The following FMN1 variants were observed in gnomAD, a reference collection of about 807,000 sequenced individuals.
FMN1 encodes the protein formin 1.
Under a neutral mutation model 132.4 loss-of-function variants are expected in FMN1, and 110 were observed. The observed-to-expected ratio is 0.83, with a 90% CI of 0.71 to 0.97. The LOEUF is 0.97. Ranked by LOEUF, FMN1 falls within the 50% of genes least tolerant of loss-of-function variation. The pLI, the probability that FMN1 is intolerant of heterozygous loss-of-function variation, is 0.00. For synonymous variants in FMN1, 722 were observed against 651.7 expected (o/e 1.11, Z -1.64); for missense variants, 1,792 against 1,705.3 (o/e 1.05, Z -0.90).
intron 9 of FMN1, among the ~76,000 whole-genome samples, chr15:32,930,462 A>T (rs1053080326): frequency 5.3e-5 from 8 of 150,154 alleles, no homozygotes; most frequent in African/African-American, 2.0e-4. Flanking sequence ...GGGTTATCTC[A>T]TTGTGATTTT....
At chr15:33,012,865 G>A in intron 6 of FMN1, 1 of 598,366 alleles carries the variant, frequency 1.7e-6, no homozygotes, top group Non-Finnish European at 3.2e-6. Flanking sequence ...TGGTAATGAT[G>A]GGAGCAACAC....
At chr15:33,006,705 C>A (rs2034436535) in intron 7 of FMN1, among the ~76,000 whole-genome samples, 1 of 152,050 alleles carries the variant, frequency 6.6e-6, no homozygotes, top group African/African-American at 2.4e-5. Flanking sequence ...ATACTCTAGT[C>A]TTTAAAAAGA....
At chr15:33,141,387 C>T (rs1477502080) in intron 4 of FMN1, among the ~76,000 whole-genome samples, 2 of 152,116 alleles carry the variant, frequency 1.3e-5, no homozygotes, top group Admixed American at 1.3e-4. Context: ...TAGCATCATT[C>T]ATCAAATAAT....
At chr15:32,841,893 T>A (rs1421569341) in intron 17 of FMN1, among the ~76,000 whole-genome samples, 1 of 152,214 alleles carries the variant, frequency 6.6e-6, no homozygotes, top group Non-Finnish European at 1.5e-5. Flanking sequence ...TAAATCTTGA[T>A]GGACTAAGTC....
At chr15:32,869,251 G>A (rs997677147) in intron 16 of FMN1, among the ~76,000 whole-genome samples, 2 of 151,246 alleles carry the variant, frequency 1.3e-5, no homozygotes, top group African/African-American at 4.9e-5. Flanking sequence ...TGTGCGTAGG[G>A]GAGAAAAGCT....
At chr15:33,090,088 G>A (rs944579692) in intron 4 of FMN1, among the ~76,000 whole-genome samples, 4 of 152,192 alleles carry the variant, frequency 2.6e-5, no homozygotes, top group African/African-American at 9.7e-5. Context: ...CAGCACTCAA[G>A]TTCCTAGTCC....
chr15:32,849,823 A>G (rs967236364), intron 17 of FMN1, among the ~76,000 whole-genome samples: 1 of 152,030 alleles, frequency 6.6e-6, no homozygotes, highest in African/African-American at 2.4e-5. Flanking sequence ...TGTCCGGCTA[A>G]TTTTTGTATT....
At chr15:32,798,635 G>A (rs1048893570) in intron 19 of FMN1, among the ~76,000 whole-genome samples, 169 bp downstream of exon 19, 9 of 152,274 alleles carry the variant, frequency 5.9e-5, no homozygotes, top group Admixed American at 5.2e-4. Context: ...TGGACAGCAA[G>A]CTTTCCCCGA....
chr15:33,139,878 C>T (rs187584965), intron 4 of FMN1, among the ~76,000 whole-genome samples: 2 of 152,140 alleles, frequency 1.3e-5, no homozygotes, highest in East Asian at 3.9e-4. Flanking sequence ...CGACAAATAC[C>T]AACTAAATCA....
chr15:33,091,769 A>ACCCAAGCTAGTCTCT (rs1180738432), intron 4 of FMN1, among the ~76,000 whole-genome samples: 59 of 152,320 alleles, frequency 3.9e-4, no homozygotes, highest in Non-Finnish European at 6.9e-4. Context: ...AATGGGTAAT[A>ACCCAAGCTAGTCTCT]CCCAAGCTAG....
At chr15:32,861,594 T>TA (rs2059269736) in intron 16 of FMN1, among the ~76,000 whole-genome samples, 1 of 152,222 alleles carries the variant, frequency 6.6e-6, no homozygotes, top group African/African-American at 2.4e-5. Context: ...AGCAGGCTCA[T>TA]AAATATTATT....
intron 2 of FMN1, among the ~76,000 whole-genome samples, chr15:33,189,348 G>A (rs971125327): frequency 6.6e-6 from 1 of 152,176 alleles, no homozygotes; most frequent in Admixed American, 6.5e-5. Flanking sequence ...TCCATTTTCT[G>A]CAGAACTGTG....
At chr15:33,081,618 T>A (rs1233345389) in intron 5 of FMN1, among the ~76,000 whole-genome samples, 2 of 152,168 alleles carry the variant, frequency 1.3e-5, no homozygotes, top group Non-Finnish European at 2.9e-5. Flanking sequence ...AATGAATGTC[T>A]TTTGTTCTTA....
intron 7 of FMN1, among the ~76,000 whole-genome samples, chr15:33,004,223 A>C (rs188993943): frequency 0.018 from 2,811 of 152,230 alleles, 77 homozygotes; most frequent in African/African-American, 0.061. Context: ...AGCTTCTGCA[A>C]AGCAAAAGAA....
At chr15:32,969,517 T>A in intron 7 of FMN1, 40 bp from the exon 8 acceptor site, 1 of 1,591,230 alleles carries the variant, frequency 6.3e-7, no homozygotes, top group Non-Finnish European at 8.5e-7. Context: ...AATGAGTTTA[T>A]TAAGAACAAA....
intron 6 of FMN1, 28 bp from the exon 7 acceptor site, chr15:33,008,103 T>C (rs549432106): frequency 1.5e-5 from 23 of 1,553,914 alleles, no homozygotes; most frequent in Admixed American, 1.9e-5. Flanking sequence ...AGGCCAATTA[T>C]AAAGAAGTAC....
chr15:32,911,958 A>G (rs1428845181), intron 10 of FMN1, among the ~76,000 whole-genome samples: 1 of 152,212 alleles, frequency 6.6e-6, no homozygotes, highest in African/African-American at 2.4e-5. Context: ...AGGCATTTTT[A>G]AATGTCTAGT....
intron 6 of FMN1, among the ~76,000 whole-genome samples, chr15:33,029,235 G>A (rs1449619872): frequency 2.6e-5 from 4 of 151,748 alleles, no homozygotes; most frequent in Non-Finnish European, 5.9e-5. Flanking sequence ...CCATATGCAG[G>A]TGGAAACACA....
intron 7 of FMN1, among the ~76,000 whole-genome samples, chr15:32,983,852 G>C (rs1417947829): frequency 1.3e-5 from 2 of 152,294 alleles, no homozygotes; most frequent in South Asian, 4.2e-4. Flanking sequence ...CTCTGTCGAG[G>C]TGAATTCAGC....
Sources: allele counts gnomAD v4.1 joint callset (sites outside exome capture counted in the v4.1 genomes callset), GRCh38; gene constraint gnomAD v4.1.1; transcripts MANE v1.5; gene names NCBI Gene and HGNC (gene_info 2026-07-23, HGNC 2026-07-21).